Variants in RASGRP1 observed in about 807,000 individuals in gnomAD.
The protein encoded by RASGRP1 is RAS guanyl-releasing protein 1.
RASGRP1 carries 37 observed loss-of-function variants against 95.1 expected under a neutral mutation model. That is an observed-to-expected ratio of 0.39 (90% confidence interval 0.30 to 0.51). The LOEUF (loss-of-function observed/expected upper bound fraction) is 0.51, where lower values mean the gene tolerates loss of function less well. RASGRP1 is among the 20% of genes least tolerant of loss of function. The pLI, the probability that RASGRP1 is intolerant of heterozygous loss-of-function variation, is 0.80. For synonymous variants in RASGRP1, 325 were observed against 353.4 expected, an observed-to-expected ratio of 0.92 and a Z score of 0.90; for missense variants, 711 against 965.4, an observed-to-expected ratio of 0.74 and a Z score of 3.49.
intron 2 of RASGRP1, among the ~76,000 whole-genome samples, chr15:38,532,575 C>T (rs1032867604): frequency 2.6e-5 from 4 of 152,208 alleles, no homozygotes; most frequent in African/African-American, 9.6e-5. Flanking sequence ...TAGCCATCTT[C>T]TACCTCTTCT....
chr15:38,502,534 C>G (rs551549178), intron 11 of RASGRP1, 113 bp from the exon 12 acceptor site: 5 of 655,064 alleles, frequency 7.6e-6, no homozygotes, highest in African/African-American at 3.6e-5. Context: ...ACAACCTGAA[C>G]GAGAGGAACA....
intron 2 of RASGRP1, among the ~76,000 whole-genome samples, chr15:38,529,915 T>C (rs1465411643): frequency 6.6e-6 from 1 of 152,242 alleles, no homozygotes; most frequent in Admixed American, 6.5e-5. Flanking sequence ...AAATCATTTT[T>C]AAAAAGTGTT....
chr15:38,501,066 G>A, intron 13 of RASGRP1, 77 bp downstream of exon 13: 2 of 1,448,612 alleles, frequency 1.4e-6, no homozygotes, highest in Non-Finnish European at 1.9e-6. Context: ...CATAAGGATT[G>A]TGAGGTCTGT....
intron 2 of RASGRP1, among the ~76,000 whole-genome samples, chr15:38,552,713 G>A (rs2141187130): frequency 6.6e-6 from 1 of 152,304 alleles, no homozygotes; most frequent in African/African-American, 2.4e-5. Flanking sequence ...TAATTTAATT[G>A]TAAGCATATA....
At chr15:38,495,680 A>T (rs892113619) in intron 15 of RASGRP1, among the ~76,000 whole-genome samples, 1 of 152,250 alleles carries the variant, frequency 6.6e-6, no homozygotes, top group African/African-American at 2.4e-5. Flanking sequence ...AATTTAAATT[A>T]ACATTTAATA....
At chr15:38,519,957 G>A (rs1453763351) in intron 3 of RASGRP1, among the ~76,000 whole-genome samples, 2 of 152,184 alleles carry the variant, frequency 1.3e-5, no homozygotes, top group Admixed American at 6.5e-5. Flanking sequence ...GTAACGGCAA[G>A]TCAGATAAAC....
chr15:38,557,180 T>C (rs531782463), intron 2 of RASGRP1, among the ~76,000 whole-genome samples: 215 of 152,332 alleles, frequency 1.4e-3, no homozygotes, highest in Admixed American at 4.9e-3. Flanking sequence ...GGCATATATT[T>C]TGCTATGGGC....
At position 38,511,650 on chromosome 15, in the gene RASGRP1, G is replaced by A. The variant is rs1407319895; in HGVS notation, c.920C>T (p.Ser307Leu). ...ATGCGAACTTGTCTCCTTGAGCCTCGAGATTGAGCTGTGACACAGCCCACC... is the reference window on the plus strand; with the variant it reads ...ATGCGAACTTGTCTCCTTGAGCCTCAAGATTGAGCTGTGACACAGCCCACC... The part of the protein sequence containing the change: ...VIGGLCHSSI[S>L]RLKETSSHVP... Residue 307 changes from serine (S) to leucine (L), a missense_variant, in exon 8 of 17, where the codon TCG becomes TTG. Coordinates refer to ENST00000310803, the MANE Select transcript of RASGRP1 (RefSeq NM_005739.4). 3 of 1,613,548 alleles carry A rather than the reference G, an allele frequency of 1.9e-6. No individual in the cohort carries two copies. The highest frequency in any genetic ancestry group is 2.5e-6 in the Non-Finnish European group (3 of 1,179,624).
At position 38,488,115 on chromosome 15, in the gene RASGRP1, T is replaced by C. The variant is rs889164225; in HGVS notation, c.*2439A>G. The C allele has an allele frequency of 6.6e-6, 1 of 152,048 alleles. No homozygotes were observed. Among genetic ancestry groups the C allele is most frequent in the Admixed American group, 6.5e-5 (1 of 15,282 alleles). 9.4% of individuals were successfully genotyped at this position (152,048 alleles called of 1,614,324 possible). A position where few individuals can be genotyped will look rare whatever the true frequency, so the allele number is the denominator to read the frequency against. On this transcript the variant is annotated 3_prime_UTR_variant, in exon 17 of 17. Transcript: ENST00000310803. ...CAAGACATTTGTGTTGTAGGGATCC[T>C]AATGTCTTTTATCATATAAATATTA...
At chr15:38,513,932 C>T (rs941034403) in intron 6 of RASGRP1, among the ~76,000 whole-genome samples, 2 of 152,122 alleles carry the variant, frequency 1.3e-5, no homozygotes, top group Non-Finnish European at 2.9e-5. Context: ...ATGTAAGAGC[C>T]AGTGAGTGGT....
intron 5 of RASGRP1, 89 bp downstream of exon 5, chr15:38,518,203 C>T (rs893863175): frequency 1.1e-4 from 141 of 1,300,678 alleles, no homozygotes; most frequent in Middle Eastern, 1.9e-4. Context: ...CAGCAGTCAC[C>T]GCTGGGGGTC....
intron 3 of RASGRP1, among the ~76,000 whole-genome samples, chr15:38,522,597 TA>T (rs2141133920): frequency 6.6e-6 from 1 of 152,262 alleles, no homozygotes; most frequent in African/African-American, 2.4e-5. Flanking sequence ...GAAGTATTTT[TA>T]AAAGGGGAGA....
chr15:38,561,224 A>AT (rs541144483), intron 1 of RASGRP1, among the ~76,000 whole-genome samples: 11 of 152,358 alleles, frequency 7.2e-5, no homozygotes, highest in Non-Finnish European at 1.2e-4. Flanking sequence ...TGAGTAAGGC[A>AT]TTGTGATTGG....
intron 2 of RASGRP1, among the ~76,000 whole-genome samples, chr15:38,555,913 T>C (rs948687194): frequency 2.6e-5 from 4 of 152,150 alleles, no homozygotes; most frequent in African/African-American, 9.7e-5. Context: ...CAGTTTTCTT[T>C]CCGATGCTGT....
At chr15:38,521,407 AAGTAT>A (rs1891994704) in intron 3 of RASGRP1, among the ~76,000 whole-genome samples, 1 of 152,148 alleles carries the variant, frequency 6.6e-6, no homozygotes, top group Non-Finnish European at 1.5e-5. Flanking sequence ...TTCCCTTCAA[AAGTAT>A]ATTCTGACAG....
intron 1 of RASGRP1, among the ~76,000 whole-genome samples, chr15:38,562,435 A>C (rs1259816930): frequency 1.3e-5 from 2 of 152,224 alleles, no homozygotes; most frequent in Non-Finnish European, 2.9e-5. Flanking sequence ...TGGCCCATGC[A>C]GTGCGCCCCA....
chr15:38,523,859 A>C (rs1892090876), intron 3 of RASGRP1, among the ~76,000 whole-genome samples: 1 of 152,200 alleles, frequency 6.6e-6, no homozygotes, highest in Non-Finnish European at 1.5e-5. Context: ...CTAGCCTAGA[A>C]GTGTAGCAGG....
chr15:38,514,743 C>T (rs1478262549), intron 6 of RASGRP1, among the ~76,000 whole-genome samples: 2 of 152,218 alleles, frequency 1.3e-5, no homozygotes, highest in East Asian at 1.9e-4. Flanking sequence ...TGGGATTCCT[C>T]GTTCTGCACT....
At chr15:38,495,942 G>A (rs943628006) in intron 15 of RASGRP1, among the ~76,000 whole-genome samples, 1 of 151,928 alleles carries the variant, frequency 6.6e-6, no homozygotes, top group Non-Finnish European at 1.5e-5. Context: ...AGGGAGCTTG[G>A]GACAGAAATT....
Sources: allele counts gnomAD v4.1 joint callset (sites outside exome capture counted in the v4.1 genomes callset), GRCh38; gene constraint gnomAD v4.1.1; transcripts MANE v1.5; gene names NCBI Gene and HGNC (gene_info 2026-07-23, HGNC 2026-07-21).